The following TP53BP2 variants were observed in gnomAD, a reference collection of about 807,000 sequenced individuals.
TP53BP2 encodes the protein apoptosis-stimulating of p53 protein 2.
TP53BP2 carries 62 observed loss-of-function variants against 126.2 expected under a neutral mutation model. That is an observed-to-expected ratio of 0.49 (90% CI 0.40 to 0.61). The LOEUF (loss-of-function observed/expected upper bound fraction) is 0.61, where lower values mean the gene tolerates loss of function less well. Among genes scored for constraint, TP53BP2 ranks in the 20% least tolerant of loss-of-function variants. The pLI, the probability that TP53BP2 is intolerant of heterozygous loss-of-function variation, is 0.00. For missense variants in TP53BP2, 1,215 were observed against 1,402.8 expected, an observed-to-expected ratio of 0.87 and a Z score of 2.14; for synonymous variants, 485 against 502.9, an observed-to-expected ratio of 0.96 and a Z score of 0.48.
intron 1 of TP53BP2, among the ~76,000 whole-genome samples, chr1:223,841,113 G>A (rs958972543): frequency 2.6e-5 from 4 of 152,082 alleles, no homozygotes; most frequent in South Asian, 4.1e-4. Flanking sequence ...TTAGCAGAGC[G>A]TGGCCTGTAA....
At chr1:223,808,964 A>C (rs1341500527) in intron 4 of TP53BP2, among the ~76,000 whole-genome samples, 2 of 152,178 alleles carry the variant, frequency 1.3e-5, no homozygotes, top group Non-Finnish European at 2.9e-5. Context: ...GACTGACCAT[A>C]CCAAACTTTG....
At chr1:223,816,696 G>T (rs1663097842) in intron 2 of TP53BP2, among the ~76,000 whole-genome samples, 1 of 152,052 alleles carries the variant, frequency 6.6e-6, no homozygotes, top group African/African-American at 2.4e-5. Flanking sequence ...ACTGGAAAGG[G>T]TATGAACTGA....
chr1:223,839,677 C>T (rs570950968), intron 1 of TP53BP2, among the ~76,000 whole-genome samples: 229 of 152,280 alleles, frequency 1.5e-3, no homozygotes, highest in African/African-American at 5.3e-3. Context: ...CGGTGGCTCA[C>T]GCCTGTAATC....
chr1:223,791,624 G>GT (rs1662159358), intron 15 of TP53BP2, among the ~76,000 whole-genome samples: 1 of 152,074 alleles, frequency 6.6e-6, no homozygotes, highest in Admixed American at 6.6e-5. Flanking sequence ...ATTTTATATG[G>GT]TAACTATTTT....
In TP53BP2 at chr1:223,794,735, C is replaced by T. The variant is rs1153935; in HGVS notation, c.2724+1080G>A. The stretch of plus-strand genomic sequence containing the variant: ...AAAGAGAATCAAGCCTCAGAACTTA[C>T]GAGGCACAGGGTTGTTTAAAAACTG... On this transcript the variant is annotated intron_variant, in intron 13 of 17. Coordinates refer to ENST00000343537, the MANE Select transcript of TP53BP2 (RefSeq NM_001031685.3). 5.9e-3 allele frequency among the ~76,000 whole-genome samples: 892 copies of T among 152,244 alleles called. 12 individuals are homozygous for T. Among genetic ancestry groups the T allele is most frequent in the African/African-American group, 0.021 (853 of 41,540 alleles).
intron 2 of TP53BP2, 41 bp from the exon 3 acceptor site, chr1:223,814,394 A>C (rs1663015336): frequency 7.2e-7 from 1 of 1,387,472 alleles, no homozygotes; most frequent in African/African-American, 1.4e-5. Flanking sequence ...TTCAGGTAAA[A>C]GAAAGATAAA....
chr1:223,831,477 AAAAAT>A (rs1251360620), intron 1 of TP53BP2, among the ~76,000 whole-genome samples: 36 of 41,984 alleles, frequency 8.6e-4, no homozygotes, highest in East Asian at 1.8e-3. Flanking sequence ...AAAAAAAAAA[AAAAAT>A]ATATATATAT....
intron 13 of TP53BP2, among the ~76,000 whole-genome samples, chr1:223,795,342 C>T (rs1159525990): frequency 6.6e-6 from 1 of 152,208 alleles, no homozygotes. Flanking sequence ...AGAACCCTTC[C>T]AATTTTACCA....
At chr1:223,828,831 G>A (rs1663595935) in intron 1 of TP53BP2, among the ~76,000 whole-genome samples, 3 of 152,106 alleles carry the variant, frequency 2.0e-5, no homozygotes, top group African/African-American at 7.2e-5. Flanking sequence ...TGAGGAAGGG[G>A]GAATAGGGAG....
At chr1:223,797,707 A>G (rs1174675879) in intron 12 of TP53BP2, among the ~76,000 whole-genome samples, 1 of 152,000 alleles carries the variant, frequency 6.6e-6, no homozygotes, top group Non-Finnish European at 1.5e-5. Flanking sequence ...CACTGCGCCC[A>G]GCCACAGTTA....
At position 223,800,108 on chromosome 1, in the gene TP53BP2, C is replaced by T. The variant is rs138427959; in HGVS notation, c.1337-61G>A. ...TTTAGAATAAAGTATCTCATTCACT[C>T]GTAAGTTTCTCTCCCCTAAATCTCC... is the stretch of plus-strand genomic sequence containing the variant. On this transcript the variant is annotated intron_variant, in intron 10 of 17. Transcript: ENST00000343537. 3.9e-4 allele frequency: 583 copies of T among 1,486,212 alleles called. 3 individuals are homozygous for T. The African/African-American group carries it at 7.5e-3, about 19-fold the overall frequency. The allele number at this position is 1,486,212 out of a possible 1,614,324, so 92.1% of individuals were successfully genotyped here.
At chr1:223,787,475 G>A (rs1662010257) in intron 16 of TP53BP2, among the ~76,000 whole-genome samples, 1 of 152,048 alleles carries the variant, frequency 6.6e-6, no homozygotes, top group Admixed American at 6.5e-5. Context: ...GGCTGGGCAT[G>A]GTGGCTCACA....
chr1:223,837,354 T>A (rs923123421), intron 1 of TP53BP2, among the ~76,000 whole-genome samples: 5 of 152,140 alleles, frequency 3.3e-5, no homozygotes, highest in African/African-American at 4.8e-5. Context: ...AAATTTAAAC[T>A]GCTCTGTGTA....
At chr1:223,831,760 TAAA>T (rs11327599) in intron 1 of TP53BP2, among the ~76,000 whole-genome samples, 59 of 121,608 alleles carry the variant, frequency 4.9e-4, no homozygotes, top group African/African-American at 1.5e-3. Context: ...GAAGGAAAGA[TAAA>T]AAAAAAAAAA....
chr1:223,793,749 T>G (rs1662225220), intron 13 of TP53BP2, among the ~76,000 whole-genome samples: 1 of 152,176 alleles, frequency 6.6e-6, no homozygotes, highest in Non-Finnish European at 1.5e-5. Context: ...TAATCAGAAG[T>G]GGCAAATAGG....
chr1:223,783,440 T>A (rs1169217846), intron 17 of TP53BP2, among the ~76,000 whole-genome samples: 2 of 152,232 alleles, frequency 1.3e-5, no homozygotes, highest in Non-Finnish European at 2.9e-5. Flanking sequence ...TAAACTTTTA[T>A]CTCAATCTCT....
chr1:223,789,168 T>A lies in TP53BP2; in HGVS notation c.3003A>T (p.Pro1001=). 1.2e-6 allele frequency: 2 copies of A among 1,614,132 alleles called. No homozygotes were observed. The highest frequency in any genetic ancestry group is 1.7e-6 in the Non-Finnish European group (2 of 1,179,992). The stretch of plus-strand genomic sequence containing the variant: ...TGTTACATGAGGCAGCACAATGTAA[T>A]GGAGTCCTGTGAAGCAAGATACGAG... The part of the protein sequence containing the change: ...VNAADSDGWT[P]LHCAASCNNV... The change falls in exon 16 of 18, where the codon CCA becomes CCT. Residue 1001 remains proline, a synonymous_variant. Transcript: ENST00000343537.
At chr1:223,802,558 A>G (rs1408953371) in intron 8 of TP53BP2, 173 bp downstream of exon 8, 6 of 915,846 alleles carry the variant, frequency 6.6e-6, no homozygotes, top group Non-Finnish European at 9.8e-6. Flanking sequence ...TACACAGGTA[A>G]TAACATTAAA....
intron 2 of TP53BP2, among the ~76,000 whole-genome samples, chr1:223,816,200 T>C (rs754979035): frequency 6.6e-6 from 1 of 152,254 alleles, no homozygotes; most frequent in South Asian, 2.1e-4. Flanking sequence ...CCCTGTAAGA[T>C]ACCTGAAGGC....
Sources: allele counts gnomAD v4.1 joint callset (sites outside exome capture counted in the v4.1 genomes callset), GRCh38; gene constraint gnomAD v4.1.1; transcripts MANE v1.5; gene names NCBI Gene and HGNC (gene_info 2026-07-23, HGNC 2026-07-21).